Variants in ARB2A observed in about 807,000 individuals in gnomAD.
ARB2A encodes the protein ARB2 cotranscriptional regulator A.
the ARB2A span, among the ~76,000 whole-genome samples, chr5:93,969,322 T>C: frequency 6.6e-6 from 1 of 152,086 alleles, no homozygotes; most frequent in African/African-American, 2.4e-5. Flanking sequence ...AAGGTACTTG[T>C]ACTACACATG....
chr5:93,706,357 C>T, the ARB2A span, among the ~76,000 whole-genome samples: 1 of 152,188 alleles, frequency 6.6e-6, no homozygotes, highest in African/African-American at 2.4e-5. Context: ...TGCACAGAAT[C>T]ACTGAAGCAA....
At chr5:93,958,883 A>G in the ARB2A span, 1 of 1,609,130 alleles carries the variant, frequency 6.2e-7, no homozygotes, top group Admixed American at 1.7e-5. Flanking sequence ...ACTACCATGA[A>G]TTAAAACCAT....
the ARB2A span, among the ~76,000 whole-genome samples, chr5:93,857,704 T>G: frequency 2.6e-5 from 4 of 152,162 alleles, no homozygotes; most frequent in Admixed American, 2.6e-4. Flanking sequence ...TTTCTTTGAC[T>G]AGGAAAGGGA....
the ARB2A span, among the ~76,000 whole-genome samples, chr5:94,062,331 G>C: frequency 2.6e-5 from 4 of 152,162 alleles, no homozygotes; most frequent in African/African-American, 7.2e-5. Context: ...TATCTACAAA[G>C]AAGAGCCAAA....
At chr5:93,866,336 T>A in the ARB2A span, 2 of 956,760 alleles carry the variant, frequency 2.1e-6, no homozygotes, top group East Asian at 1.2e-4. Flanking sequence ...GTTCTTAAAA[T>A]TGATTATGGG....
the ARB2A span, among the ~76,000 whole-genome samples, chr5:94,053,817 A>C: frequency 1.3e-5 from 2 of 152,094 alleles, no homozygotes; most frequent in African/African-American, 4.8e-5. Flanking sequence ...CCTAGGCTGG[A>C]GTGCAGTGGC....
At chr5:93,685,877 G>A in the ARB2A span, among the ~76,000 whole-genome samples, 1 of 152,120 alleles carries the variant, frequency 6.6e-6, no homozygotes, top group South Asian at 2.1e-4. Flanking sequence ...TCATGTTGAA[G>A]CTGCCTGGTC....
the ARB2A span, among the ~76,000 whole-genome samples, chr5:93,955,290 G>A: frequency 0.71 from 107,461 of 152,030 alleles, 39,874 homozygotes; most frequent in South Asian, 0.85. Context: ...ATACAACTAG[G>A]TATTTAGTAT....
the ARB2A span, among the ~76,000 whole-genome samples, chr5:93,752,556 ATTT>A: frequency 1.2e-4 from 18 of 152,108 alleles, no homozygotes; most frequent in Non-Finnish European, 2.4e-4. Context: ...CATGGTGGCT[ATTT>A]TTAATTTTTT....
At chr5:93,997,571 T>C in the ARB2A span, among the ~76,000 whole-genome samples, 39 of 152,140 alleles carry the variant, frequency 2.6e-4, no homozygotes, top group African/African-American at 9.4e-4. Context: ...CTAGTGCCTA[T>C]AAACATTTTC....
chr5:93,949,811 C>T, the ARB2A span, among the ~76,000 whole-genome samples: 13 of 152,216 alleles, frequency 8.5e-5, no homozygotes, highest in Middle Eastern at 3.4e-3. Flanking sequence ...CATTCCCAGC[C>T]TCAGGTAACC....
the ARB2A span, among the ~76,000 whole-genome samples, chr5:93,843,752 T>C: frequency 1.3e-5 from 2 of 151,926 alleles, no homozygotes; most frequent in East Asian, 1.9e-4. Context: ...GGTTAAATGA[T>C]TAAGTTAAAG....
At chr5:93,649,390 A>G in the ARB2A span, among the ~76,000 whole-genome samples, 1 of 152,130 alleles carries the variant, frequency 6.6e-6, no homozygotes, top group Non-Finnish European at 1.5e-5. Flanking sequence ...CTCTGCACTG[A>G]GTGGCCCTTC....
chr5:93,875,596 T>G, the ARB2A span, among the ~76,000 whole-genome samples: 3 of 152,230 alleles, frequency 2.0e-5, no homozygotes, highest in Non-Finnish European at 2.9e-5. Flanking sequence ...CTGAATGTTA[T>G]TCATACACTA....
chr5:93,933,732 C>T, the ARB2A span, among the ~76,000 whole-genome samples: 1 of 152,062 alleles, frequency 6.6e-6, no homozygotes, highest in African/African-American at 2.4e-5. Flanking sequence ...AGCAAACCAC[C>T]ATGGCATGTG....
chr5:93,862,209 T>C, the ARB2A span: 1 of 152,234 alleles, frequency 6.6e-6, no homozygotes, highest in Non-Finnish European at 1.5e-5. Context: ...GGAGCTACTA[T>C]CTACACATTT....
At chr5:93,765,171 C>G in the ARB2A span, among the ~76,000 whole-genome samples, 1 of 152,166 alleles carries the variant, frequency 6.6e-6, no homozygotes, top group Non-Finnish European at 1.5e-5. Flanking sequence ...TCCTATTCAA[C>G]ATAGTGTTGG....
At chr5:93,992,366 G>T in the ARB2A span, among the ~76,000 whole-genome samples, 1 of 151,972 alleles carries the variant, frequency 6.6e-6, no homozygotes, top group African/African-American at 2.4e-5. Flanking sequence ...ATGTGAAGTG[G>T]CATCATTTTC....
the ARB2A span, among the ~76,000 whole-genome samples, chr5:93,940,215 G>A: frequency 1.3e-5 from 2 of 151,948 alleles, no homozygotes; most frequent in Admixed American, 6.6e-5. Context: ...TGGTAATAGC[G>A]TATTCATTTT....
Sources: gnomAD v4.1 joint callset for allele counts (sites outside exome capture counted in the v4.1 genomes callset) on GRCh38, gnomAD v4.1.1 for gene constraint, MANE v1.5 for transcripts, NCBI Gene and HGNC (gene_info 2026-07-23, HGNC 2026-07-21) for gene names.